The following CYP7B1 variants were observed in gnomAD, a reference collection of about 807,000 sequenced individuals.
CYP7B1 encodes cytochrome P450 7B1.
Under a neutral mutation model 42.7 loss-of-function variants are expected in CYP7B1, and 29 were observed. The ratio of observed to expected loss-of-function variants is 0.68; its 90% CI spans 0.51 to 0.93. The LOEUF (loss-of-function observed/expected upper bound fraction) is 0.93. Among genes scored for constraint, CYP7B1 ranks in the 40% least tolerant of loss-of-function variants. The pLI is 0.00. For missense variants in CYP7B1, 655 were observed against 600.5 expected (o/e 1.09, Z -0.95); for synonymous variants, 235 against 218.2 (o/e 1.08, Z -0.68).
At chr8:64,700,933 T>C (rs1806906780) in intron 1 of CYP7B1, among the ~76,000 whole-genome samples, 2 of 152,010 alleles carry the variant, frequency 1.3e-5, no homozygotes, top group Non-Finnish European at 2.9e-5. Flanking sequence ...TTTGTTGTTG[T>C]TGTTGTTGTT....
intron 1 of CYP7B1, among the ~76,000 whole-genome samples, chr8:64,630,522 A>T (rs1805673393): frequency 6.6e-6 from 1 of 152,244 alleles, no homozygotes; most frequent in East Asian, 1.9e-4. Context: ...AAGCAATTGC[A>T]TATCTGTGGT....
chr8:64,607,430 T>C (rs1226414296), intron 4 of CYP7B1, among the ~76,000 whole-genome samples: 3 of 151,888 alleles, frequency 2.0e-5, no homozygotes, highest in Non-Finnish European at 4.4e-5. Flanking sequence ...TCCATATACT[T>C]ATAAATATTC....
chr8:64,766,190 C>A (rs1374384312), intron 1 of CYP7B1, among the ~76,000 whole-genome samples: 3 of 152,106 alleles, frequency 2.0e-5, no homozygotes, highest in Admixed American at 6.5e-5. Context: ...AACTTGCGTG[C>A]TAGAAGGACT....
intron 2 of CYP7B1, among the ~76,000 whole-genome samples, chr8:64,618,666 A>C (rs1164746176): frequency 6.6e-6 from 1 of 150,936 alleles, no homozygotes; most frequent in Admixed American, 6.6e-5. Flanking sequence ...CTTGGGAATA[A>C]GGGTATGGGA....
intron 1 of CYP7B1, among the ~76,000 whole-genome samples, chr8:64,634,836 C>T (rs1304582900): frequency 6.6e-6 from 1 of 152,160 alleles, no homozygotes; most frequent in Non-Finnish European, 1.5e-5. Context: ...TGAGGTTTAG[C>T]TGCTCTAACT....
chr8:64,738,496 T>C (rs545574145), intron 1 of CYP7B1, among the ~76,000 whole-genome samples: 14 of 152,090 alleles, frequency 9.2e-5, no homozygotes, highest in Non-Finnish European at 1.8e-4. Context: ...AGAAACTGTT[T>C]TCTCCCTAAT....
chr8:64,797,084 AAT>A (rs1472293195), intron 1 of CYP7B1, among the ~76,000 whole-genome samples: 1 of 152,196 alleles, frequency 6.6e-6, no homozygotes, highest in Non-Finnish European at 1.5e-5. Flanking sequence ...TGATGGCATG[AAT>A]ATCTCAGTAA....
chr8:64,659,641 T>A (rs1160279461), intron 1 of CYP7B1, among the ~76,000 whole-genome samples: 4 of 152,200 alleles, frequency 2.6e-5, no homozygotes, highest in African/African-American at 9.6e-5. Flanking sequence ...ACTTGTAATT[T>A]TTGATATAAA....
At chr8:64,637,878 C>G (rs1805796735) in intron 1 of CYP7B1, among the ~76,000 whole-genome samples, 1 of 152,168 alleles carries the variant, frequency 6.6e-6, no homozygotes. Flanking sequence ...TATGGTCAGA[C>G]ATATGGTCCT....
chr8:64,606,083 T>C (rs934869382), intron 4 of CYP7B1, among the ~76,000 whole-genome samples: 4 of 152,250 alleles, frequency 2.6e-5, no homozygotes, highest in Non-Finnish European at 5.9e-5. Flanking sequence ...CATGCATTTG[T>C]CTAAAGAAAT....
chr8:64,753,413 A>T (rs1031367733), intron 1 of CYP7B1, among the ~76,000 whole-genome samples: 2 of 152,224 alleles, frequency 1.3e-5, no homozygotes, highest in Non-Finnish European at 2.9e-5. Context: ...TCTATATACT[A>T]AGCAAGTATA....
chr8:64,725,804 T>C (rs1807314894), intron 1 of CYP7B1, among the ~76,000 whole-genome samples: 1 of 152,218 alleles, frequency 6.6e-6, no homozygotes, highest in Non-Finnish European at 1.5e-5. Flanking sequence ...GAAAAGCATC[T>C]CTGACTGTTG....
At chr8:64,717,857 G>GTT (rs11385332) in intron 1 of CYP7B1, among the ~76,000 whole-genome samples, 88 of 140,862 alleles carry the variant, frequency 6.2e-4, no homozygotes, top group African/African-American at 1.5e-3. Context: ...CAAAAAATAA[G>GTT]TTTTTTTTTT....
chr8:64,610,350 C>T (rs1805345652), intron 4 of CYP7B1, among the ~76,000 whole-genome samples: 1 of 152,098 alleles, frequency 6.6e-6, no homozygotes, highest in Non-Finnish European at 1.5e-5. Context: ...AGATGCTTCA[C>T]CCACTTCCTC....
chr8:64,772,125 C>T (rs1804245108), intron 1 of CYP7B1, among the ~76,000 whole-genome samples: 1 of 152,206 alleles, frequency 6.6e-6, no homozygotes, highest in Non-Finnish European at 1.5e-5. Context: ...CCATCATCCA[C>T]CAACTAGCTT....
chr8:64,715,163 T>C (rs1807135946), intron 1 of CYP7B1, among the ~76,000 whole-genome samples: 1 of 152,226 alleles, frequency 6.6e-6, no homozygotes, highest in African/African-American at 2.4e-5. Context: ...TGTTAAGATG[T>C]TTGTTAAAGT....
chr8:64,735,970 T>C (rs931340094), intron 1 of CYP7B1, among the ~76,000 whole-genome samples: 3 of 152,176 alleles, frequency 2.0e-5, no homozygotes, highest in African/African-American at 7.2e-5. Context: ...AAAATAAAAA[T>C]AAATTTTTAA....
At chr8:64,724,313 A>C (rs925700568) in intron 1 of CYP7B1, among the ~76,000 whole-genome samples, 9 of 151,972 alleles carry the variant, frequency 5.9e-5, no homozygotes, top group African/African-American at 2.2e-4. Context: ...CGCCCAGCTA[A>C]TTTTTGTATT....
chr8:64,651,479 A>G (rs62521083), intron 1 of CYP7B1, among the ~76,000 whole-genome samples: 16,377 of 152,284 alleles, frequency 0.11, 1,154 homozygotes, highest in Non-Finnish European at 0.16. Flanking sequence ...TGGTTTCACC[A>G]TCTACTCAAT....
Sources: gnomAD v4.1 joint callset for allele counts (sites outside exome capture counted in the v4.1 genomes callset) on GRCh38, gnomAD v4.1.1 for gene constraint, MANE v1.5 for transcripts, NCBI Gene and HGNC (gene_info 2026-07-23, HGNC 2026-07-21) for gene names.